The following RASSF6 variants were observed in gnomAD, a reference collection of about 807,000 sequenced individuals.
RASSF6 encodes the protein Ras association domain family member 6.
Under a neutral mutation model 44.0 loss-of-function variants are expected in RASSF6, and 52 were observed. That is an observed-to-expected ratio of 1.18 (90% CI 0.95 to 1.49). The LOEUF (loss-of-function observed/expected upper bound fraction) is 1.49, where lower values mean the gene tolerates loss of function less well. Among genes scored for constraint, RASSF6 ranks in the 40% most tolerant of loss-of-function variants. The pLI is 0.00. For missense variants in RASSF6, 464 were observed against 393.3 expected (o/e 1.18, Z -1.52); for synonymous variants, 162 against 124.6 (o/e 1.30, Z -2.00).
At chr4:73,592,410 C>T (rs1268486) in intron 4 of RASSF6, among the ~76,000 whole-genome samples, 6,931 of 152,046 alleles carry the variant, frequency 0.046, 272 homozygotes, top group African/African-American at 0.11. Flanking sequence ...GAAAAGAAGG[C>T]TTGGTATCTC....
intron 3 of RASSF6, among the ~76,000 whole-genome samples, chr4:73,597,092 C>CAAG (rs1164298585): frequency 6.6e-6 from 1 of 152,164 alleles, no homozygotes; most frequent in African/African-American, 2.4e-5. Context: ...ATGCCAAAAG[C>CAAG]AATTGCAACA....
chr4:73,590,362 C>A (rs977638444), intron 4 of RASSF6, among the ~76,000 whole-genome samples: 6 of 152,266 alleles, frequency 3.9e-5, no homozygotes, highest in South Asian at 2.1e-4. Context: ...TGTCATTTAC[C>A]CCACGTTTAC....
Position 73,574,563 on chromosome 4 carries a change from A to G in RASSF6, c.*1672T>C, listed in dbSNP as rs1435336467. The G allele has an allele frequency of 6.6e-6, 1 of 151,992 alleles. No homozygotes were observed. Among genetic ancestry groups the G allele is most frequent in the East Asian group, 1.9e-4 (1 of 5,186 alleles). The allele number at this position is 151,992 out of a possible 1,614,324, so 9.4% of individuals were successfully genotyped here. On this transcript the variant is annotated 3_prime_UTR_variant, in exon 11 of 11. Transcript: ENST00000307439. ...GGATTCTTTCCCTCAGCCTTAGGGT[A>G]CCTTCTCTTTTCATCTTTATTATTA...
intron 6 of RASSF6, 53 bp downstream of exon 6, chr4:73,585,127 T>G: frequency 7.7e-7 from 1 of 1,303,026 alleles, no homozygotes; most frequent in Non-Finnish European, 1.1e-6. Flanking sequence ...GTATTGTTAG[T>G]GAAACAGGGA....
intron 1 of RASSF6, among the ~76,000 whole-genome samples, chr4:73,618,021 C>T (rs369104611): frequency 1.3e-5 from 2 of 152,050 alleles, no homozygotes; most frequent in East Asian, 1.9e-4. Flanking sequence ...GTAAAGGATC[C>T]TTCTTATTTT....
chr4:73,592,896 G>A (rs1483050722), intron 4 of RASSF6, among the ~76,000 whole-genome samples: 2 of 152,154 alleles, frequency 1.3e-5, no homozygotes, highest in East Asian at 3.9e-4. Context: ...ACCACAGGCT[G>A]TGGACCCCAG....
Position 73,571,946 on chromosome 4 carries a change from T to C in RASSF6, c.*4289A>G, listed in dbSNP as rs1452258475. 2.0e-5 allele frequency: 3 copies of C among 152,236 alleles called. No homozygotes were observed. Among genetic ancestry groups the C allele is most frequent in the African/African-American group, 7.2e-5 (3 of 41,454 alleles). The allele number at this position is 152,236 out of a possible 1,614,324, so 9.4% of individuals were successfully genotyped here. A position where few individuals can be genotyped will look rare whatever the true frequency, so the allele number is the denominator to read the frequency against. ...AACTATTTTTTTCCCAGAAATTGTATGAGCTATACATTGCTATGTAACAAA... is the reference window on the plus strand; with the variant it reads ...AACTATTTTTTTCCCAGAAATTGTACGAGCTATACATTGCTATGTAACAAA... On this transcript the variant is annotated 3_prime_UTR_variant, in exon 11 of 11. Transcript: ENST00000307439.
intron 1 of RASSF6, among the ~76,000 whole-genome samples, chr4:73,617,863 A>G (rs1470401342): frequency 2.6e-5 from 4 of 152,218 alleles, no homozygotes; most frequent in Non-Finnish European, 5.9e-5. Flanking sequence ...TTGTTTTCAA[A>G]TGGCCTATAC....
chr4:73,574,662 T>G lies in RASSF6; in HGVS notation c.*1573A>C, dbSNP rs1447571018. 1 of 152,192 alleles carries G rather than the reference T, an allele frequency of 6.6e-6. No individual in the cohort carries two copies. Among genetic ancestry groups the G allele is most frequent in the African/African-American group, 2.4e-5 (1 of 41,448 alleles). 9.4% of individuals were successfully genotyped at this position (152,192 alleles called of 1,614,324 possible). A position where few individuals can be genotyped will look rare whatever the true frequency, so the allele number is the denominator to read the frequency against. Reference sequence around the variant, plus strand: ...AAATTACTACCTTGTTTCTGTCTTCTGATTGATACAGACTAACACAGTTGT... The same window carrying G: ...AAATTACTACCTTGTTTCTGTCTTCGGATTGATACAGACTAACACAGTTGT... On this transcript the variant is annotated 3_prime_UTR_variant, in exon 11 of 11. Coordinates refer to ENST00000307439, the MANE Select transcript of RASSF6 (RefSeq NM_177532.5).
intron 1 of RASSF6, among the ~76,000 whole-genome samples, chr4:73,618,252 G>A (rs1247596): frequency 0.99 from 150,011 of 152,112 alleles, 73,997 homozygotes; most frequent in East Asian, 1. Context: ...AGAAATAGTA[G>A]AATAAATGTA....
At chr4:73,593,410 GATC>G in intron 4 of RASSF6, 38 bp downstream of exon 4, 4 of 1,569,876 alleles carry the variant, frequency 2.5e-6, no homozygotes, top group Non-Finnish European at 3.5e-6. Flanking sequence ...TAGATATGAA[GATC>G]ATCTTCTGAG....
At position 73,575,999 on chromosome 4, in the gene RASSF6, A is replaced by G; in HGVS notation, c.*236T>C. On this transcript the variant is annotated 3_prime_UTR_variant, in exon 11 of 11. Transcript: ENST00000307439. ...GTTTACTATAAAAGCTATTTGGCAT[A>G]TGCAGTATTCAAGCTTATTTCAGTT... 2.7e-6 allele frequency: 1 copy of G among 369,260 alleles called. No individual in the cohort carries two copies. Among genetic ancestry groups the G allele is most frequent in the Non-Finnish European group, 4.9e-6 (1 of 205,958 alleles). The allele number at this position is 369,260 out of a possible 1,614,324, so 22.9% of individuals were successfully genotyped here.
chr4:73,583,781 T>A (rs1344291633), intron 6 of RASSF6, among the ~76,000 whole-genome samples: 1 of 152,168 alleles, frequency 6.6e-6, no homozygotes, highest in Admixed American at 6.6e-5. Context: ...CAGGTACTAT[T>A]CTTATGCTGA....
intron 6 of RASSF6, among the ~76,000 whole-genome samples, chr4:73,583,739 C>G: frequency 6.7e-6 from 1 of 150,334 alleles, no homozygotes; most frequent in African/African-American, 2.5e-5. Context: ...ACAGCAACAA[C>G]ATAAGCTAAT....
rs1722977609 is a variant in RASSF6, at chr4:73,572,650, C to T, written c.*3585G>A. ...TCAGACTTTATGGATATAAAACTAC[C>T]ACAGAAGTGATGTTAATGTCTCATT... is the stretch of plus-strand genomic sequence containing the variant. On this transcript the variant is annotated 3_prime_UTR_variant, in exon 11 of 11. Coordinates refer to ENST00000307439, the MANE Select transcript of RASSF6 (RefSeq NM_177532.5). The T allele has an allele frequency of 6.6e-6, 1 of 152,152 alleles. No homozygotes were observed. Among genetic ancestry groups the T allele is most frequent in the South Asian group, 2.1e-4 (1 of 4,826 alleles). The allele number at this position is 152,152 out of a possible 1,614,324, so 9.4% of individuals were successfully genotyped here.
intron 4 of RASSF6, among the ~76,000 whole-genome samples, chr4:73,588,255 T>C (rs1578031943): frequency 6.6e-6 from 1 of 152,208 alleles, no homozygotes; most frequent in Middle Eastern, 3.4e-3. Flanking sequence ...GATCAATTGT[T>C]ATAAAGATAT....
At position 73,576,708 on chromosome 4, in the gene RASSF6, C is replaced by T. The variant is rs747950870; in HGVS notation, c.745G>A (p.Asp249Asn). ...TGEQRRLKKTDIPLLQRLLQG... is the reference protein window; with the variant it reads ...TGEQRRLKKTNIPLLQRLLQG... ...AGGAGCCTCTGCAGTAGCGGAATGT[C>T]TGTCTTCTTTAGTCGTCTTTGTTCT... The change falls in exon 9 of 11, where the codon GAC (aspartate) becomes AAC (asparagine). Residue 249 changes from aspartate (D) to asparagine (N), a missense_variant. Transcript: ENST00000307439. 12 of 1,611,464 alleles carry T rather than the reference C, an allele frequency of 7.4e-6. No homozygotes were observed. Among genetic ancestry groups the T allele is most frequent in the African/African-American group, 1.3e-5 (1 of 74,826 alleles).
intron 1 of RASSF6, among the ~76,000 whole-genome samples, chr4:73,618,582 G>T (rs1726517507): frequency 6.6e-6 from 1 of 151,996 alleles, no homozygotes; most frequent in Non-Finnish European, 1.5e-5. Flanking sequence ...AATTCAATTT[G>T]ATTCCTTTAT....
At chr4:73,606,265 C>G (rs1244797947) in intron 2 of RASSF6, among the ~76,000 whole-genome samples, 2 of 152,158 alleles carry the variant, frequency 1.3e-5, no homozygotes, top group African/African-American at 4.8e-5. Flanking sequence ...TCCTTTGCAG[C>G]AATATGGATG....
Sources: gnomAD v4.1 joint callset for allele counts (sites outside exome capture counted in the v4.1 genomes callset) on GRCh38, gnomAD v4.1.1 for gene constraint, MANE v1.5 for transcripts, NCBI Gene and HGNC (gene_info 2026-07-23, HGNC 2026-07-21) for gene names.